Variants in CTNNA2 observed in about 807,000 individuals in gnomAD.
CTNNA2 encodes the protein catenin alpha-2.
In CTNNA2, 42 loss-of-function variants were observed where a neutral mutation model predicts 101.0. The observed-to-expected ratio is 0.42, with a 90% CI of 0.32 to 0.54. The LOEUF (loss-of-function observed/expected upper bound fraction) is 0.54. Among genes scored for constraint, CTNNA2 ranks in the 20% least tolerant of loss-of-function variants. CTNNA2 has a pLI of 0.14. For synonymous variants in CTNNA2, 450 were observed against 456.4 expected (o/e 0.99, Z 0.18); for missense variants, 871 against 1,223.1 (o/e 0.71, Z 4.29).
At chr2:80,380,085 G>GT (rs1343943638) in intron 7 of CTNNA2, among the ~76,000 whole-genome samples, 2 of 138,048 alleles carry the variant, frequency 1.4e-5, no homozygotes, top group East Asian at 4.3e-4. Context: ...CGCCCAGGCT[G>GT]GAGTGCAGTG....
chr2:80,005,390 A>G (rs189013133), intron 7 of CTNNA2, among the ~76,000 whole-genome samples: 1 of 152,160 alleles, frequency 6.6e-6, no homozygotes, highest in Admixed American at 6.5e-5. Context: ...CTTGTTTACC[A>G]TCTCCTACCA....
intron 1 of CTNNA2, among the ~76,000 whole-genome samples, chr2:79,554,389 G>A (rs1024729721): frequency 2.6e-5 from 4 of 152,096 alleles, no homozygotes; most frequent in African/African-American, 4.8e-5. Context: ...GAAAAGAACT[G>A]TAGATGGAGA....
At chr2:80,325,030 C>G (rs1252072736) in intron 7 of CTNNA2, among the ~76,000 whole-genome samples, 4 of 152,130 alleles carry the variant, frequency 2.6e-5, no homozygotes, top group African/African-American at 7.2e-5. Context: ...CTCTCTTCCC[C>G]ACTAAAATAT....
intron 1 of CTNNA2, among the ~76,000 whole-genome samples, chr2:79,568,613 CGAAAAGAAAAGGAAA>C (rs1056657525): frequency 1.3e-5 from 2 of 149,864 alleles, no homozygotes; most frequent in African/African-American, 4.9e-5. Flanking sequence ...AGAAAAGTAA[CGAAAAGAAAAGGAAA>C]GAAAAGAAAA....
chr2:80,480,202 A>T (rs1333621964), intron 9 of CTNNA2, among the ~76,000 whole-genome samples: 1 of 152,134 alleles, frequency 6.6e-6, no homozygotes, highest in Non-Finnish European at 1.5e-5. Flanking sequence ...ACAAAATGAA[A>T]AATTTTATGC....
intron 7 of CTNNA2, among the ~76,000 whole-genome samples, chr2:80,080,310 C>T (rs901499783): frequency 6.6e-6 from 1 of 152,168 alleles, no homozygotes; most frequent in African/African-American, 2.4e-5. Flanking sequence ...CACTGTGGTA[C>T]TGGCGAAAGG....
At chr2:79,502,342 G>T (rs2103806015) in intron 4 of CTNNA2, among the ~76,000 whole-genome samples, 1 of 152,266 alleles carries the variant, frequency 6.6e-6, no homozygotes, top group Admixed American at 6.5e-5. Flanking sequence ...CTTTAATGTG[G>T]CTTATATTTA....
intron 1 of CTNNA2, among the ~76,000 whole-genome samples, chr2:79,557,457 A>C (rs1224021580): frequency 6.6e-6 from 1 of 151,252 alleles, no homozygotes; most frequent in Admixed American, 6.6e-5. Flanking sequence ...TTCACTTTTT[A>C]GGTTTCCTTA....
At chr2:79,329,770 G>A (rs1357491302) in intron 3 of CTNNA2, among the ~76,000 whole-genome samples, 1 of 152,174 alleles carries the variant, frequency 6.6e-6, no homozygotes, top group Admixed American at 6.5e-5. Flanking sequence ...TGGCAAAATA[G>A]GGATTTGGGA....
intron 1 of CTNNA2, among the ~76,000 whole-genome samples, chr2:79,566,277 T>G (rs1675107451): frequency 1.3e-5 from 2 of 152,168 alleles, no homozygotes; most frequent in South Asian, 4.1e-4. Flanking sequence ...AGATTGTGCC[T>G]TCTGACCTTT....
At chr2:79,277,594 A>G (rs1675246043) in intron 2 of CTNNA2, among the ~76,000 whole-genome samples, 1 of 152,070 alleles carries the variant, frequency 6.6e-6, no homozygotes. Context: ...TTTAATTTTT[A>G]CAAAAGTTCT....
At chr2:80,378,471 A>G (rs1308863285) in intron 7 of CTNNA2, among the ~76,000 whole-genome samples, 1 of 150,360 alleles carries the variant, frequency 6.7e-6, no homozygotes, top group Non-Finnish European at 1.5e-5. Context: ...ACACACACAC[A>G]TTCATTCATA....
At chr2:79,467,719 T>A (rs137934441) in intron 4 of CTNNA2, among the ~76,000 whole-genome samples, 1 of 152,142 alleles carries the variant, frequency 6.6e-6, no homozygotes, top group Non-Finnish European at 1.5e-5. Flanking sequence ...TAGGGGCCAA[T>A]ATTCAACATT....
intron 7 of CTNNA2, among the ~76,000 whole-genome samples, chr2:80,204,275 G>T (rs1707389548): frequency 6.6e-6 from 1 of 152,108 alleles, no homozygotes; most frequent in Admixed American, 6.5e-5. Context: ...TCAGAAAATG[G>T]GATTTTCTTT....
At chr2:79,692,748 T>C (rs1684392377) in intron 2 of CTNNA2, among the ~76,000 whole-genome samples, 1 of 151,784 alleles carries the variant, frequency 6.6e-6, no homozygotes, top group African/African-American at 2.4e-5. Context: ...CTGGAAACCA[T>C]CATTCTCAGC....
At chr2:79,855,710 T>C (rs973282337) in intron 3 of CTNNA2, among the ~76,000 whole-genome samples, 5 of 107,744 alleles carry the variant, frequency 4.6e-5, no homozygotes, top group African/African-American at 1.7e-4. Context: ...CTGCAGGAAC[T>C]GGGATCAACC....
In CTNNA2 at chr2:79,639,574, T is replaced by G. The variant is rs117081368; in HGVS notation, c.-5-11978T>G. Among the ~76,000 whole-genome samples, 791 of 152,316 alleles carry G rather than the reference T, an allele frequency of 5.2e-3. 26 individuals carry two copies. The South Asian group carries it at 0.068, about 13-fold the overall frequency. On this transcript the variant is annotated intron_variant, in intron 1 of 18. Coordinates refer to ENST00000402739, the MANE Select transcript of CTNNA2 (RefSeq NM_001282597.3). ...GGACATAAGTCCTCATTAAAAGTTT[T>G]TTTTTCGTTTAAAATTGGTTGTCTA...
At chr2:80,429,685 C>T (rs1455392233) in intron 9 of CTNNA2, among the ~76,000 whole-genome samples, 1 of 152,186 alleles carries the variant, frequency 6.6e-6, no homozygotes, top group South Asian at 2.1e-4. Context: ...CATATTACTG[C>T]AGAAGAATTC....
chr2:79,417,505 C>A (rs963311598), intron 4 of CTNNA2, among the ~76,000 whole-genome samples: 2 of 152,142 alleles, frequency 1.3e-5, no homozygotes, highest in Non-Finnish European at 2.9e-5. Flanking sequence ...AGTGTTTCTG[C>A]AGAGTTCACT....
Sources: gnomAD v4.1 joint callset for allele counts (sites outside exome capture counted in the v4.1 genomes callset) on GRCh38, gnomAD v4.1.1 for gene constraint, MANE v1.5 for transcripts, NCBI Gene and HGNC (gene_info 2026-07-23, HGNC 2026-07-21) for gene names.